Variants in GFPT1 observed in about 807,000 individuals in gnomAD.
The protein encoded by GFPT1 is glutamine--fructose-6-phosphate aminotransferase [isomerizing] 1.
A neutral mutation model predicts 92.0 loss-of-function variants in GFPT1; 40 were observed. That is an observed-to-expected ratio of 0.43 (90% CI 0.34 to 0.57). The LOEUF (loss-of-function observed/expected upper bound fraction) is 0.57, where lower values mean the gene tolerates loss of function less well. Ranked by LOEUF, GFPT1 falls within the 20% of genes least tolerant of loss-of-function variation. The pLI is 0.02. For synonymous variants in GFPT1, 269 were observed against 280.6 expected, an observed-to-expected ratio of 0.96 and a Z score of 0.41; for missense variants, 448 against 869.1, an observed-to-expected ratio of 0.52 and a Z score of 6.09.
intron 9 of GFPT1, among the ~76,000 whole-genome samples, chr2:69,351,033 T>C (rs1000434510): frequency 6.6e-6 from 1 of 152,210 alleles, no homozygotes; most frequent in Non-Finnish European, 1.5e-5. Flanking sequence ...TCTACACTAA[T>C]TCTGATTTGA....
intron 17 of GFPT1, among the ~76,000 whole-genome samples, chr2:69,328,955 A>G (rs1670596401): frequency 6.6e-6 from 1 of 152,134 alleles, no homozygotes; most frequent in African/African-American, 2.4e-5. Flanking sequence ...TCTACCTGCC[A>G]TGTCCTCCCA....
rs756781946 is a variant in GFPT1 at position 69,350,159 on chromosome 2, T to C, written c.764A>G (p.Asn255Ser). The C allele has an allele frequency of 7.4e-6, 12 of 1,613,602 alleles. No individual in the cohort carries two copies. The highest frequency in any genetic ancestry group is 1.1e-5 in the South Asian group (1 of 91,054). The change falls in exon 10 of 20, where the codon AAT becomes AGT. Residue 255 changes from asparagine (N) to serine (S), a missense_variant. By Grantham distance (46) the Asn-to-Ser change is conservative. This residue lies in a region of GFPT1 where 118 missense variants were observed against 192.9 expected (regional missense o/e 0.61). Transcript: ENST00000357308. Reference protein sequence around the residue: ...ERGKDKKGSCNLSRVDSTTCL... With the variant: ...ERGKDKKGSCSLSRVDSTTCL... ...GGTTGTGCTGTCCACACGAGAGAGA[T>C]TGCAGCTTCCTTTCTTGTCTTTGCC...
intron 1 of GFPT1, among the ~76,000 whole-genome samples, chr2:69,386,371 G>T (rs1215207738): frequency 6.6e-6 from 1 of 152,202 alleles, no homozygotes; most frequent in Non-Finnish European, 1.5e-5. Context: ...ATACATCCAA[G>T]GTATAACTGA....
intron 1 of GFPT1, among the ~76,000 whole-genome samples, chr2:69,379,367 T>TA (rs1671953236): frequency 1.3e-5 from 2 of 151,888 alleles, no homozygotes; most frequent in Non-Finnish European, 2.9e-5. Context: ...CTACCAAAAA[T>TA]AAAAAATTAG....
At chr2:69,364,559 T>C (rs180734848) in intron 3 of GFPT1, among the ~76,000 whole-genome samples, 362 of 152,366 alleles carry the variant, frequency 2.4e-3, no homozygotes, top group Non-Finnish European at 3.4e-3. Flanking sequence ...CTTTGGTCTC[T>C]GGTGAGTGTA....
intron 12 of GFPT1, 91 bp from the exon 13 acceptor site, chr2:69,342,340 G>A: frequency 1.3e-6 from 1 of 792,704 alleles, no homozygotes; most frequent in Non-Finnish European, 2.3e-6. Context: ...CCAATATGAG[G>A]AAGAATACTG....
rs1184953359 is a variant in GFPT1, at chr2:69,340,054, C to G, written c.1204-1489G>C. On this transcript the variant is annotated intron_variant, in intron 13 of 19. Transcript: ENST00000357308. ...GAAAGATAGAAATCTGGAGGCTTAC[C>G]AGATATTTAAAAGTAATAAACCCCA... is the stretch of plus-strand genomic sequence containing the variant. Among the ~76,000 whole-genome samples the G allele has an allele frequency of 3.3e-5, 5 of 150,232 alleles. No homozygotes were observed. In the East Asian group the frequency reaches 9.7e-4, roughly 29 times the overall value.
At chr2:69,378,310 C>T in intron 1 of GFPT1, among the ~76,000 whole-genome samples, 1 of 152,170 alleles carries the variant, frequency 6.6e-6, no homozygotes, top group Admixed American at 6.6e-5. Flanking sequence ...CCGGCCTAAA[C>T]TCCCAATAAA....
At chr2:69,361,574 T>C (rs1040436604) in intron 4 of GFPT1, among the ~76,000 whole-genome samples, 1 of 152,030 alleles carries the variant, frequency 6.6e-6, no homozygotes, top group Non-Finnish European at 1.5e-5. Flanking sequence ...GAATCTTTCA[T>C]AAAGGCCTTG....
chr2:69,384,802 A>AG (rs1672095889), intron 1 of GFPT1, among the ~76,000 whole-genome samples: 1 of 151,884 alleles, frequency 6.6e-6, no homozygotes, highest in African/African-American at 2.4e-5. Context: ...AGAAAAGAAA[A>AG]GAAAGAAGGA....
At chr2:69,346,280 C>A (rs1176448155) in intron 11 of GFPT1, among the ~76,000 whole-genome samples, 2 of 151,930 alleles carry the variant, frequency 1.3e-5, no homozygotes, top group Non-Finnish European at 2.9e-5. Context: ...GCTCTGTCAC[C>A]CAGGCTGGAG....
chr2:69,338,633 T>A (rs1670860290), intron 13 of GFPT1, 68 bp from the exon 14 acceptor site: 1 of 1,526,174 alleles, frequency 6.6e-7, no homozygotes, highest in African/African-American at 1.4e-5. Context: ...CTTCTTTGGA[T>A]TCAATGTATA....
chr2:69,346,261 C>T (rs562741527), intron 11 of GFPT1, among the ~76,000 whole-genome samples: 6 of 150,178 alleles, frequency 4.0e-5, no homozygotes, highest in South Asian at 2.1e-4. Context: ...TTTTTTGAGA[C>T]GGAGTCTTGC....
intron 15 of GFPT1, among the ~76,000 whole-genome samples, chr2:69,336,390 A>T (rs1184898509): frequency 6.6e-6 from 1 of 151,716 alleles, no homozygotes; most frequent in Non-Finnish European, 1.5e-5. Context: ...TTTTTATATA[A>T]GAATCACAAA....
intron 12 of GFPT1, among the ~76,000 whole-genome samples, 188 bp from the exon 13 acceptor site, chr2:69,342,437 C>T (rs1427089622): frequency 1.3e-5 from 2 of 152,302 alleles, no homozygotes; most frequent in African/African-American, 4.8e-5. Context: ...ACTTCACTGG[C>T]GCCCCCAAAC....
intron 1 of GFPT1, among the ~76,000 whole-genome samples, chr2:69,374,675 A>AT (rs1214576373): frequency 1.3e-5 from 2 of 152,234 alleles, no homozygotes; most frequent in East Asian, 3.9e-4. Context: ...GTGAAATTTA[A>AT]TTTTTTTAAA....
chr2:69,378,926 T>A (rs1017741568), intron 1 of GFPT1, among the ~76,000 whole-genome samples: 3 of 152,068 alleles, frequency 2.0e-5, no homozygotes, highest in Non-Finnish European at 4.4e-5. Flanking sequence ...ATAATGCTAG[T>A]CACAAATTAA....
rs11296709 is a variant in GFPT1 at position 69,338,710 on chromosome 2, TA to T, written c.1204-146del. The stretch of plus-strand genomic sequence containing the variant: ...TAAAAACAACCCAGATTAAAATATT[TA>T]AAAAAAAAAAATCAAAATCCTACCA... On this transcript the variant is annotated intron_variant, in intron 13 of 19. Coordinates refer to ENST00000357308, the MANE Select transcript of GFPT1 (RefSeq NM_001244710.2). The T allele has an allele frequency of 0.63, 416,244 of 663,446 alleles. 125,060 individuals carry two copies. The highest frequency in any genetic ancestry group is 0.88 in the African/African-American group (46,982 of 53,244). The allele number at this position is 663,446 out of a possible 1,614,324, so 41.1% of individuals were successfully genotyped here.
chr2:69,361,395 C>T (rs369309495), intron 4 of GFPT1, among the ~76,000 whole-genome samples: 6 of 135,836 alleles, frequency 4.4e-5, no homozygotes, highest in Non-Finnish European at 9.1e-5. Context: ...TTGCAGTGAG[C>T]GGAAAGCATG....
Sources: allele counts gnomAD v4.1 joint callset (sites outside exome capture counted in the v4.1 genomes callset), GRCh38; gene constraint gnomAD v4.1.1; regional missense constraint gnomAD v4.1.1; transcripts MANE v1.5; gene names NCBI Gene and HGNC (gene_info 2026-07-23, HGNC 2026-07-21).